TLK1: variants seen among roughly 807,000 people sequenced by gnomAD.
TLK1 encodes the protein serine/threonine-protein kinase tousled-like 1.
In TLK1, 24 loss-of-function variants were observed where a neutral mutation model predicts 105.3. That is an observed-to-expected ratio of 0.23 (90% CI 0.17 to 0.32). The LOEUF (loss-of-function observed/expected upper bound fraction) is 0.32. Among genes scored for constraint, TLK1 ranks in the 10% least tolerant of loss-of-function variants. The pLI is 1.00. For synonymous variants in TLK1, 321 were observed against 310.4 expected, an observed-to-expected ratio of 1.03 and a Z score of -0.36; for missense variants, 558 against 910.5, an observed-to-expected ratio of 0.61 and a Z score of 4.98.
intron 1 of TLK1, among the ~76,000 whole-genome samples, chr2:171,213,547 G>A (rs756796068): frequency 1.3e-4 from 20 of 151,030 alleles, no homozygotes; most frequent in South Asian, 4.2e-4. Context: ...GTTTGGGCCC[G>A]GTGGCTCATT....
chr2:171,157,313 G>C (rs924332535), intron 1 of TLK1, among the ~76,000 whole-genome samples: 1 of 152,130 alleles, frequency 6.6e-6, no homozygotes, highest in African/African-American at 2.4e-5. Flanking sequence ...TAGGTTCCTA[G>C]ACTTCAACAA....
Position 171,200,322 on chromosome 2 carries a change from G to A in TLK1, c.-6+30823C>T, listed in dbSNP as rs546340188. 4.6e-5 allele frequency among the ~76,000 whole-genome samples: 7 copies of A among 152,150 alleles called. No homozygotes were observed. In the South Asian group the frequency reaches 6.2e-4, roughly 14 times the overall value. Reference sequence around the variant, plus strand: ...TCCTGTGTTGTTAAATTTCAGTTGCGTGATATCATTACTTAAAGGAGTTTA... The same window carrying A: ...TCCTGTGTTGTTAAATTTCAGTTGCATGATATCATTACTTAAAGGAGTTTA... On this transcript the variant is annotated intron_variant, in intron 1 of 20. Transcript: ENST00000521943.
At chr2:171,013,086 T>C (rs1684999298) in intron 13 of TLK1, among the ~76,000 whole-genome samples, 1 of 151,602 alleles carries the variant, frequency 6.6e-6, no homozygotes, top group African/African-American at 2.4e-5. Flanking sequence ...TGGAGTGCAG[T>C]GGCGCAACCT....
At chr2:171,059,966 A>G in intron 4 of TLK1, 1 of 1,609,804 alleles carries the variant, frequency 6.2e-7, no homozygotes, top group East Asian at 2.2e-5. Flanking sequence ...AAGGACTGGA[A>G]GACCGGGAGG....
chr2:171,197,318 G>A (rs773828436), intron 1 of TLK1, among the ~76,000 whole-genome samples: 1 of 152,034 alleles, frequency 6.6e-6, no homozygotes, highest in Non-Finnish European at 1.5e-5. Context: ...TGAGGAAAAG[G>A]AAACTGGTTA....
intron 1 of TLK1, among the ~76,000 whole-genome samples, chr2:171,168,034 T>C (rs907211406): frequency 2.0e-5 from 3 of 152,004 alleles, no homozygotes; most frequent in South Asian, 2.1e-4. Flanking sequence ...AACCAAAATA[T>C]AAATTTATCA....
intron 1 of TLK1, among the ~76,000 whole-genome samples, chr2:171,207,868 GCT>G: frequency 6.6e-6 from 1 of 152,074 alleles, no homozygotes; most frequent in Non-Finnish European, 1.5e-5. Flanking sequence ...TGGGATTACA[GCT>G]GTCTGCCACC....
rs188330647 is a variant in TLK1 at position 171,218,018 on chromosome 2, C to T, written c.-6+13127G>A. Among the ~76,000 whole-genome samples the T allele has an allele frequency of 8.4e-4, 128 of 152,172 alleles. 2 individuals are homozygous for T. Among genetic ancestry groups the T allele is most frequent in the Non-Finnish European group, 1.4e-3 (93 of 68,016 alleles). ...CCTGTAATCCCAGCACTTTGGGAGGCGGAGGCGGGCAGATCACAAGGTCAG... is the reference window on the plus strand; with the variant it reads ...CCTGTAATCCCAGCACTTTGGGAGGTGGAGGCGGGCAGATCACAAGGTCAG... On this transcript the variant is annotated intron_variant, in intron 1 of 20. Transcript: ENST00000521943.
chr2:171,195,594 C>A (rs1289910542), intron 1 of TLK1, among the ~76,000 whole-genome samples: 2 of 151,382 alleles, frequency 1.3e-5, no homozygotes, highest in African/African-American at 4.9e-5. Flanking sequence ...GAAGTATGTC[C>A]TTGTCTTTTG....
intron 1 of TLK1, among the ~76,000 whole-genome samples, chr2:171,141,611 G>A (rs781590421): frequency 6.6e-6 from 1 of 152,226 alleles, no homozygotes; most frequent in South Asian, 2.1e-4. Flanking sequence ...CAGTAAGACT[G>A]ATAGTTGACT....
At chr2:171,110,858 T>C (rs964528991) in intron 2 of TLK1, among the ~76,000 whole-genome samples, 8 of 152,214 alleles carry the variant, frequency 5.3e-5, no homozygotes, top group African/African-American at 1.7e-4. Context: ...GTAATTTTAC[T>C]AACTGATAAT....
chr2:171,215,596 A>G (rs189474497), intron 1 of TLK1, among the ~76,000 whole-genome samples: 1 of 152,378 alleles, frequency 6.6e-6, no homozygotes, highest in Admixed American at 6.5e-5. Flanking sequence ...GGAAATTTAA[A>G]TTATATATAT....
rs892468136 is a variant in TLK1, at chr2:171,040,579, T to G, written c.1169+5595A>C. 4.9e-3 allele frequency among the ~76,000 whole-genome samples: 725 copies of G among 149,088 alleles called. 10 individuals are homozygous for G. The highest frequency in any genetic ancestry group is 0.015 in the African/African-American group (598 of 40,352). On this transcript the variant is annotated intron_variant, in intron 11 of 20. Coordinates refer to ENST00000431350, the MANE Select transcript of TLK1 (RefSeq NM_012290.5). ...TATATTCCTTTTTTGTTTTTTTTTT[T>G]TTTTTTTTTTGAGACAGGGTCTTCC... is the stretch of plus-strand genomic sequence containing the variant.
chr2:171,145,112 C>A (rs1691738275), intron 1 of TLK1, among the ~76,000 whole-genome samples: 1 of 152,088 alleles, frequency 6.6e-6, no homozygotes, highest in Non-Finnish European at 1.5e-5. Context: ...AGTTCGAGAC[C>A]AGCCTGGCCA....
chr2:171,011,466 G>A lies in TLK1; in HGVS notation c.1335-12C>T. The A allele has an allele frequency of 6.3e-7, 1 of 1,599,484 alleles. No homozygotes were observed. The highest frequency in any genetic ancestry group is 8.5e-7 in the Non-Finnish European group (1 of 1,173,606). ...GGTGATCTTTGAACCTTAGAGGTGG[G>A]GGCAAAAAACAGACATATTAAAACA... On this transcript the variant is annotated splice_polypyrimidine_tract_variant and intron_variant, in intron 13 of 20. Coordinates refer to ENST00000431350, the MANE Select transcript of TLK1 (RefSeq NM_012290.5).
chr2:171,116,568 T>C (rs1455694494), intron 2 of TLK1, among the ~76,000 whole-genome samples: 2 of 151,798 alleles, frequency 1.3e-5, no homozygotes, highest in African/African-American at 4.8e-5. Context: ...GGCATGGTGG[T>C]GAGCACCTGT....
At chr2:171,085,886 G>A (rs1688951191) in intron 2 of TLK1, among the ~76,000 whole-genome samples, 1 of 152,160 alleles carries the variant, frequency 6.6e-6, no homozygotes, top group Non-Finnish European at 1.5e-5. Context: ...TAATAGTACA[G>A]TATTTTTAAA....
At position 171,006,955 on chromosome 2, in the gene TLK1, A is replaced by C. The variant is rs761043459; in HGVS notation, c.1508+17T>G. 6.2e-7 allele frequency: 1 copy of C among 1,604,346 alleles called. No homozygotes were observed. Among genetic ancestry groups the C allele is most frequent in the South Asian group, 1.1e-5 (1 of 89,200 alleles). On this transcript the variant is annotated intron_variant, in intron 15 of 20. Coordinates refer to ENST00000431350, the MANE Select transcript of TLK1 (RefSeq NM_012290.5). ...AAAATATTCAATTTTAAAAAACCAT[A>C]AAGTATTAGTATTTACTTGTGGTAG...
chr2:171,137,501 A>G (rs977341331), intron 1 of TLK1, among the ~76,000 whole-genome samples: 1 of 152,280 alleles, frequency 6.6e-6, no homozygotes, highest in South Asian at 2.1e-4. Flanking sequence ...ACCCAGGCAC[A>G]TGCACATATG....
Sources: gnomAD v4.1 joint callset for allele counts (sites outside exome capture counted in the v4.1 genomes callset) on GRCh38, gnomAD v4.1.1 for gene constraint, MANE v1.5 for transcripts, NCBI Gene and HGNC (gene_info 2026-07-23, HGNC 2026-07-21) for gene names.